CAMKMT: variants seen among roughly 807,000 people sequenced by gnomAD.
CAMKMT encodes calmodulin-lysine N-methyltransferase, also known as CaM KMT.
Under a neutral mutation model 48.0 loss-of-function variants are expected in CAMKMT, and 53 were observed. The observed-to-expected ratio is 1.10, with a 90% CI of 0.89 to 1.39. The LOEUF (loss-of-function observed/expected upper bound fraction) is 1.39, where lower values mean the gene tolerates loss of function less well. Among genes scored for constraint, CAMKMT ranks in the 40% most tolerant of loss-of-function variants. The probability of loss-of-function intolerance (pLI) is 0.00; values close to 1 mark genes in which losing one functional copy is unlikely to be tolerated. For synonymous variants in CAMKMT, 165 were observed against 152.3 expected (o/e 1.08, Z -0.61); for missense variants, 428 against 402.7 (o/e 1.06, Z -0.54).
Position 44,511,816 on chromosome 2 carries a change from A to G in CAMKMT, c.376+121511A>G, listed in dbSNP as rs367955169. 1.9e-3 allele frequency among the ~76,000 whole-genome samples: 286 copies of G among 152,212 alleles called. 11 individuals carry two copies. In the South Asian group the frequency reaches 0.058, roughly 31 times the overall value. ...GTTGGGTCCCTCACTTCAAGTGTTT[A>G]CACAAATTTGACCTTGTTAGTGAGA... On this transcript the variant is annotated intron_variant, in intron 3 of 10. Transcript: ENST00000378494.
chr2:44,599,190 G>T (rs1345695735), intron 3 of CAMKMT, among the ~76,000 whole-genome samples: 1 of 152,116 alleles, frequency 6.6e-6, no homozygotes, highest in Non-Finnish European at 1.5e-5. Context: ...AGAAGCCTTA[G>T]AACTTTGTTA....
chr2:44,538,940 CTCTT>C (rs1158879070), intron 3 of CAMKMT, among the ~76,000 whole-genome samples: 4 of 144,532 alleles, frequency 2.8e-5, no homozygotes, highest in African/African-American at 1.0e-4. Flanking sequence ...TTCTTTCTCT[CTCTT>C]TCTGTGTGTG....
chr2:44,373,319 C>G (rs913916253), intron 2 of CAMKMT, among the ~76,000 whole-genome samples: 1 of 152,182 alleles, frequency 6.6e-6, no homozygotes, highest in East Asian at 1.9e-4. Context: ...AGAATAGAAT[C>G]AATCTTAAGA....
intron 3 of CAMKMT, among the ~76,000 whole-genome samples, chr2:44,585,305 T>A (rs1669797750): frequency 6.6e-6 from 1 of 152,166 alleles, no homozygotes; most frequent in Non-Finnish European, 1.5e-5. Flanking sequence ...ATTTCCTTCA[T>A]GAAGAGATTG....
intron 9 of CAMKMT, among the ~76,000 whole-genome samples, chr2:44,754,715 G>T (rs343947): frequency 0.71 from 107,410 of 152,020 alleles, 39,636 homozygotes; most frequent in African/African-American, 0.92. Flanking sequence ...CATTTATGCC[G>T]GTGAGTAAAT....
chr2:44,416,057 A>T (rs1683528994), intron 3 of CAMKMT, among the ~76,000 whole-genome samples: 1 of 152,236 alleles, frequency 6.6e-6, no homozygotes, highest in Non-Finnish European at 1.5e-5. Context: ...TGTTTCAGTT[A>T]ACTAAATGCT....
intron 3 of CAMKMT, among the ~76,000 whole-genome samples, chr2:44,552,604 C>T (rs1004155698): frequency 2.0e-5 from 3 of 152,104 alleles, no homozygotes; most frequent in Admixed American, 6.6e-5. Flanking sequence ...TGAGCACTTA[C>T]GTTTCAGGAA....
At chr2:44,740,578 G>A (rs1488170984) in intron 7 of CAMKMT, among the ~76,000 whole-genome samples, 2 of 152,168 alleles carry the variant, frequency 1.3e-5, no homozygotes, top group African/African-American at 2.4e-5. Context: ...CAAAGGAAAT[G>A]TAAGTATAAC....
chr2:44,670,367 C>G (rs895276542), intron 3 of CAMKMT, among the ~76,000 whole-genome samples: 1 of 152,076 alleles, frequency 6.6e-6, no homozygotes, highest in East Asian at 1.9e-4. Context: ...TCACTTGACA[C>G]CAGGAGTTCA....
chr2:44,741,598 C>T (rs562127060), intron 7 of CAMKMT, among the ~76,000 whole-genome samples: 12 of 152,332 alleles, frequency 7.9e-5, no homozygotes, highest in Non-Finnish European at 1.8e-4. Flanking sequence ...AAGCTGAACT[C>T]TGTCCACAAT....
At position 44,362,081 on chromosome 2, in the gene CAMKMT, G is replaced by T; in HGVS notation, c.74G>T (p.Cys25Phe). ...GCGGGCGGGAGTCCGGCAGTTGGCT[G>T]CACCACTCGGGGGCCCGTAGTCTCG... The part of the protein sequence containing the change: ...RAAGGSPAVG[C>F]TTRGPVVSAP... The change falls in exon 1 of 11, where the codon TGC becomes TTC. Residue 25 changes from cysteine (C) to phenylalanine (F), a missense_variant. Coordinates refer to ENST00000378494, the MANE Select transcript of CAMKMT (RefSeq NM_024766.5). 6.9e-7 allele frequency: 1 copy of T among 1,455,740 alleles called. No individual in the cohort carries two copies. 90.2% of individuals were successfully genotyped at this position (1,455,740 alleles called of 1,614,324 possible).
chr2:44,544,172 T>G (rs1273313625), intron 3 of CAMKMT, among the ~76,000 whole-genome samples: 1 of 152,030 alleles, frequency 6.6e-6, no homozygotes, highest in Non-Finnish European at 1.5e-5. Context: ...CATCCCATGT[T>G]TATACCTAAA....
At chr2:44,708,398 A>T (rs897286222) in intron 6 of CAMKMT, among the ~76,000 whole-genome samples, 14 of 151,754 alleles carry the variant, frequency 9.2e-5, no homozygotes, top group Non-Finnish European at 8.8e-5. Context: ...AATATGCAGC[A>T]GCTTCATCAA....
chr2:44,589,391 C>CA (rs1181143225), intron 3 of CAMKMT, among the ~76,000 whole-genome samples: 1 of 52,110 alleles, frequency 1.9e-5, no homozygotes, highest in African/African-American at 7.9e-5. Context: ...GTGTGCCCAG[C>CA]GGCTCATTGG....
chr2:44,542,667 G>A (rs1275305101), intron 3 of CAMKMT, among the ~76,000 whole-genome samples: 2 of 152,106 alleles, frequency 1.3e-5, no homozygotes, highest in Non-Finnish European at 2.9e-5. Flanking sequence ...GATAAGAAGA[G>A]GTCAGAGAAA....
chr2:44,427,860 G>A (rs1347838893), intron 3 of CAMKMT, among the ~76,000 whole-genome samples: 1 of 152,148 alleles, frequency 6.6e-6, no homozygotes, highest in African/African-American at 2.4e-5. Flanking sequence ...CATGGGACTT[G>A]CGACAGGGTT....
intron 3 of CAMKMT, among the ~76,000 whole-genome samples, chr2:44,483,407 A>G (rs1482665392): frequency 1.3e-5 from 2 of 152,132 alleles, no homozygotes; most frequent in Non-Finnish European, 2.9e-5. Flanking sequence ...AGTCTAATGG[A>G]CTTTATTAGC....
At chr2:44,639,274 A>G (rs1376092858) in intron 3 of CAMKMT, among the ~76,000 whole-genome samples, 1 of 152,220 alleles carries the variant, frequency 6.6e-6, no homozygotes, top group Non-Finnish European at 1.5e-5. Flanking sequence ...AGCTTATATC[A>G]AGGTAATGAA....
chr2:44,743,394 A>G (rs1679787007), intron 7 of CAMKMT, among the ~76,000 whole-genome samples: 1 of 152,216 alleles, frequency 6.6e-6, no homozygotes, highest in Non-Finnish European at 1.5e-5. Flanking sequence ...TATAAAAACT[A>G]GCAAAAAGGT....
Sources: allele counts gnomAD v4.1 joint callset (sites outside exome capture counted in the v4.1 genomes callset), GRCh38; gene constraint gnomAD v4.1.1; transcripts MANE v1.5; gene names NCBI Gene and HGNC (gene_info 2026-07-23, HGNC 2026-07-21).